The following C10orf90 variants were observed in gnomAD, a reference collection of about 807,000 sequenced individuals.
C10orf90 encodes (E2-independent) E3 ubiquitin-conjugating enzyme FATS.
Under a neutral mutation model 62.5 loss-of-function variants are expected in C10orf90, and 56 were observed. The observed-to-expected ratio is 0.90, with a 90% CI of 0.72 to 1.12. C10orf90 has a LOEUF of 1.12. C10orf90 is among the 50% of genes most tolerant of loss of function. The pLI, the probability that C10orf90 is intolerant of heterozygous loss-of-function variation, is 0.00. For synonymous variants in C10orf90, 386 were observed against 340.4 expected, an observed-to-expected ratio of 1.13 and a Z score of -1.47; for missense variants, 970 against 880.4, an observed-to-expected ratio of 1.10 and a Z score of -1.29.
intron 7 of C10orf90, among the ~76,000 whole-genome samples, chr10:126,450,828 AAAAC>A (rs2134067218): frequency 6.6e-6 from 1 of 152,338 alleles, no homozygotes; most frequent in South Asian, 2.1e-4. Context: ...AACAACACCA[AAAAC>A]AAACAAATGG....
chr10:126,643,437 C>T (rs148054364), intron 2 of C10orf90, among the ~76,000 whole-genome samples: 200 of 152,326 alleles, frequency 1.3e-3, no homozygotes, highest in African/African-American at 4.4e-3. Flanking sequence ...CCTACTTATG[C>T]CTTTTGAGAT....
intron 7 of C10orf90, among the ~76,000 whole-genome samples, chr10:126,438,925 G>T (rs1858111890): frequency 1.3e-5 from 2 of 152,052 alleles, no homozygotes; most frequent in African/African-American, 4.8e-5. Context: ...ATGTATCCAT[G>T]CCCCAGACCC....
At chr10:126,658,765 G>C (rs1479037077) in intron 1 of C10orf90, among the ~76,000 whole-genome samples, 1 of 152,046 alleles carries the variant, frequency 6.6e-6, no homozygotes, top group Admixed American at 6.5e-5. Context: ...TGGATTGATT[G>C]ATTGATTGAT....
intron 7 of C10orf90, among the ~76,000 whole-genome samples, chr10:126,433,020 T>C (rs1313728141): frequency 6.6e-6 from 1 of 152,042 alleles, no homozygotes; most frequent in African/African-American, 2.4e-5. Context: ...GTGGAGGAGA[T>C]GCAAAAATGG....
At chr10:126,437,864 GCTGTGGAAGGCCAGC>G (rs1564791440) in intron 7 of C10orf90, among the ~76,000 whole-genome samples, 1 of 152,176 alleles carries the variant, frequency 6.6e-6, no homozygotes, top group Admixed American at 6.5e-5. Flanking sequence ...TGAAGGCAAT[GCTGTGGAAGGCCAGC>G]CTGTGTCCTT....
chr10:126,430,772 C>G (rs1857526922), intron 7 of C10orf90, among the ~76,000 whole-genome samples: 1 of 152,178 alleles, frequency 6.6e-6, no homozygotes, highest in African/African-American at 2.4e-5. Context: ...TCCTGCGATC[C>G]CCAGTGAAGT....
intron 8 of C10orf90, among the ~76,000 whole-genome samples, chr10:126,428,447 G>A (rs1020897554): frequency 6.6e-6 from 1 of 152,188 alleles, no homozygotes; most frequent in Non-Finnish European, 1.5e-5. Context: ...TTCTGTGGGT[G>A]AGCCAGAGTC....
Position 126,478,281 on chromosome 10 carries a change from T to C in C10orf90, c.1535-13295A>G, listed in dbSNP as rs562002997. On this transcript the variant is annotated intron_variant, in intron 4 of 9. Transcript: ENST00000488181. Reference sequence around the variant, plus strand: ...CTGCCACCCTTTAAGTGGGTGACGATGCACAGGTCACTCCATCCATCTGGT... The same window carrying C: ...CTGCCACCCTTTAAGTGGGTGACGACGCACAGGTCACTCCATCCATCTGGT... Among the ~76,000 whole-genome samples the C allele has an allele frequency of 2.6e-5, 4 of 152,322 alleles. No individual in the cohort carries two copies. In the East Asian group the frequency reaches 5.8e-4, roughly 22 times the overall value.
chr10:126,457,740 C>A (rs1043326650), intron 7 of C10orf90, among the ~76,000 whole-genome samples: 1 of 152,156 alleles, frequency 6.6e-6, no homozygotes, highest in Non-Finnish European at 1.5e-5. Flanking sequence ...GCACTGAAGG[C>A]CCCAGGGGTC....
chr10:126,584,930 A>G (rs540455445), intron 2 of C10orf90, among the ~76,000 whole-genome samples: 1 of 152,154 alleles, frequency 6.6e-6, no homozygotes, highest in East Asian at 1.9e-4. Context: ...ACACACAGAC[A>G]CATACACATG....
chr10:126,576,742 A>T, intron 2 of C10orf90, among the ~76,000 whole-genome samples: 1 of 69,366 alleles, frequency 1.4e-5, no homozygotes, highest in East Asian at 3.3e-4. Flanking sequence ...ATGTATATGT[A>T]TATATACATA....
chr10:126,482,148 G>A (rs780152884), intron 4 of C10orf90, among the ~76,000 whole-genome samples: 1 of 152,122 alleles, frequency 6.6e-6, no homozygotes, highest in Non-Finnish European at 1.5e-5. Flanking sequence ...TCATCTTCAA[G>A]ACTCCCGTGT....
chr10:126,516,866 T>C (rs1308085643), intron 2 of C10orf90, among the ~76,000 whole-genome samples: 1 of 19,600 alleles, frequency 5.1e-5, no homozygotes, highest in Admixed American at 4.5e-4. Flanking sequence ...CTTTTTCAGC[T>C]TGTAGAGGCT....
At chr10:126,498,359 A>T (rs933559935) in intron 4 of C10orf90, among the ~76,000 whole-genome samples, 1 of 151,898 alleles carries the variant, frequency 6.6e-6, no homozygotes, top group African/African-American at 2.4e-5. Context: ...CACTGCCCCC[A>T]CTCCTGGACA....
At chr10:126,481,796 A>G (rs12358249) in intron 4 of C10orf90, among the ~76,000 whole-genome samples, 56,426 of 151,810 alleles carry the variant, frequency 0.37, 11,557 homozygotes, top group African/African-American at 0.56. Flanking sequence ...CAGCCATAAA[A>G]CCTCCTCCCC....
At chr10:126,525,608 C>T (rs1484226373) in intron 2 of C10orf90, among the ~76,000 whole-genome samples, 1 of 152,162 alleles carries the variant, frequency 6.6e-6, no homozygotes, top group Non-Finnish European at 1.5e-5. Flanking sequence ...CCATTAGCCA[C>T]ACGCTGCACA....
intron 7 of C10orf90, among the ~76,000 whole-genome samples, chr10:126,455,227 C>A (rs926712770): frequency 5.9e-5 from 9 of 152,168 alleles, no homozygotes; most frequent in African/African-American, 2.2e-4. Context: ...TCTTTGGCCC[C>A]TTTGCCTCCC....
At chr10:126,527,948 T>C (rs1322879291) in intron 2 of C10orf90, among the ~76,000 whole-genome samples, 2 of 152,206 alleles carry the variant, frequency 1.3e-5, no homozygotes, top group Non-Finnish European at 2.9e-5. Context: ...CTTTAAAAAG[T>C]TAATGATGCT....
intron 4 of C10orf90, among the ~76,000 whole-genome samples, chr10:126,465,552 G>A (rs1860238242): frequency 6.6e-6 from 1 of 152,124 alleles, no homozygotes; most frequent in Non-Finnish European, 1.5e-5. Flanking sequence ...CAGTCAGCTT[G>A]AATAAATGTT....
Sources: gnomAD v4.1 joint callset for allele counts (sites outside exome capture counted in the v4.1 genomes callset) on GRCh38, gnomAD v4.1.1 for gene constraint, MANE v1.5 for transcripts, NCBI Gene and HGNC (gene_info 2026-07-23, HGNC 2026-07-21) for gene names.